TTC19: variants seen among roughly 807,000 people sequenced by gnomAD.
TTC19 encodes the protein tetratricopeptide repeat protein 19, mitochondrial.
Under a neutral mutation model 49.5 loss-of-function variants are expected in TTC19, and 38 were observed. The ratio of observed to expected loss-of-function variants is 0.77; its 90% CI spans 0.59 to 1.01. TTC19 has a LOEUF of 1.01. TTC19 is among the 50% of genes least tolerant of loss of function. The pLI is 0.00. For missense variants in TTC19, 475 were observed against 477.7 expected (o/e 0.99, Z 0.05); for synonymous variants, 204 against 185.2 (o/e 1.10, Z -0.83).
chr17:16,017,448 CAA>C (rs372559333), intron 7 of TTC19, among the ~76,000 whole-genome samples: 6,475 of 53,366 alleles, frequency 0.12, 187 homozygotes, highest in African/African-American at 0.21. Context: ...GACTCCGGCT[CAA>C]AAAAAAAAAA....
At chr17:16,000,340 AAGAGTGGATGG>A in intron 2 of TTC19, 95 bp downstream of exon 2, 2 of 1,547,022 alleles carry the variant, frequency 1.3e-6, no homozygotes, top group Non-Finnish European at 1.7e-6. Context: ...CGCCTCGCCG[AAGAGTGGATGG>A]AGGCTCCGCG....
chr17:16,026,455 T>C (rs918567733), intron 8 of TTC19, 85 bp from the exon 9 acceptor site: 13 of 1,225,952 alleles, frequency 1.1e-5, no homozygotes, highest in Admixed American at 4.1e-5. Flanking sequence ...TGAAATCTTA[T>C]GTATTCAGAG....
chr17:16,018,051 T>C (rs1218556451), intron 7 of TTC19, among the ~76,000 whole-genome samples: 1 of 152,244 alleles, frequency 6.6e-6, no homozygotes, highest in Non-Finnish European at 1.5e-5. Flanking sequence ...ATTATCCTTC[T>C]TTCCCTTTTC....
At chr17:16,004,365 T>G in intron 6 of TTC19, 103 bp downstream of exon 6, 1 of 1,095,482 alleles carries the variant, frequency 9.1e-7, no homozygotes, top group East Asian at 2.4e-5. Flanking sequence ...TCCCAGAAAT[T>G]GGGTGTCACA....
At chr17:16,002,592 TAAC>T (rs752889543) in intron 3 of TTC19, 198 bp from the exon 4 acceptor site, 1 of 610,652 alleles carries the variant, frequency 1.6e-6, no homozygotes, top group Non-Finnish European at 2.9e-6. Context: ...TTTGGTTTGT[TAAC>T]AACAAAGTAT....
chr17:16,022,138 T>C (rs909132144), intron 7 of TTC19, among the ~76,000 whole-genome samples: 6 of 152,120 alleles, frequency 3.9e-5, no homozygotes, highest in Non-Finnish European at 8.8e-5. Flanking sequence ...GCTTCAGATC[T>C]CATTTTGTTT....
chr17:16,020,430 A>C (rs199737160), intron 7 of TTC19, among the ~76,000 whole-genome samples: 1 of 152,042 alleles, frequency 6.6e-6, no homozygotes, highest in East Asian at 1.9e-4. Flanking sequence ...TGGGTTACGT[A>C]TCTCTTTGTA....
intron 7 of TTC19, among the ~76,000 whole-genome samples, chr17:16,009,449 T>G (rs1971004403): frequency 6.6e-6 from 1 of 152,244 alleles, no homozygotes. Flanking sequence ...ATACTGTATA[T>G]CCTACTTTGT....
chr17:16,006,291 T>G (rs945275152), intron 6 of TTC19, among the ~76,000 whole-genome samples, 183 bp from the exon 7 acceptor site: 2 of 152,036 alleles, frequency 1.3e-5, no homozygotes, highest in African/African-American at 4.8e-5. Context: ...GCACCTGTAA[T>G]CCCAGCTATT....
At position 16,000,177 on chromosome 17, in the gene TTC19, G is replaced by C. The variant is rs760920370; in HGVS notation, c.244G>C (p.Gly82Arg). The change falls in exon 2 of 10, where the codon GGG becomes CGG. Residue 82 changes from glycine (G) to arginine (R), a missense_variant. Transcript: ENST00000261647. Reference sequence around the variant, plus strand: ...GGAGGAGGAGCAGCAGGGAGCCGACGGGGCCGCTGCCGAGGACGGGGCGGA... The same window carrying C: ...GGAGGAGGAGCAGCAGGGAGCCGACCGGGCCGCTGCCGAGGACGGGGCGGA... ...AEEEEQQGAD[G>R]AAAEDGADEA... 61 of 1,592,310 alleles carry C rather than the reference G, an allele frequency of 3.8e-5. No individual in the cohort carries two copies. In the South Asian group the frequency reaches 5.5e-4, roughly 14 times the overall value.
chr17:16,002,313 G>C (rs1480730693), intron 3 of TTC19, among the ~76,000 whole-genome samples: 1 of 152,076 alleles, frequency 6.6e-6, no homozygotes, highest in Non-Finnish European at 1.5e-5. Context: ...CGAGTAGCTG[G>C]ATTACAGGCA....
intron 6 of TTC19, 110 bp from the exon 7 acceptor site, chr17:16,006,364 C>T: frequency 1.2e-6 from 1 of 803,536 alleles, no homozygotes. Flanking sequence ...GAGCCGAGGT[C>T]ACGCCATTGC....
chr17:16,026,667 T>C lies in TTC19; in HGVS notation c.959T>C (p.Val320Ala). The C allele has an allele frequency of 6.2e-7, 1 of 1,614,184 alleles. No individual in the cohort carries two copies. Among genetic ancestry groups the C allele is most frequent in the African/African-American group, 1.3e-5 (1 of 75,062 alleles). Residue 320 changes from valine to alanine, a missense_variant, in exon 9 of 10, where the codon GTA (valine) becomes GCA (alanine). Val to Ala is a moderately conservative substitution (Grantham distance 64, BLOSUM62 0). Coordinates refer to ENST00000261647, the MANE Select transcript of TTC19 (RefSeq NM_017775.4). ...RQINHPELHM[V>A]LSNLAAVLMH... ...ATAAATCATCCTGAGCTACACATGG[T>C]ACTCAGTAATCTAGCTGCAGTTTTG...
At chr17:16,010,172 T>TAA (rs1971025386) in intron 7 of TTC19, among the ~76,000 whole-genome samples, 1 of 102,760 alleles carries the variant, frequency 9.7e-6, no homozygotes, top group African/African-American at 8.7e-5. Context: ...TTTTAATTTT[T>TAA]TTTTTTTTTT....
intron 7 of TTC19, among the ~76,000 whole-genome samples, chr17:16,020,375 C>T (rs745464080): frequency 5.3e-5 from 8 of 152,136 alleles, no homozygotes; most frequent in Non-Finnish European, 1.0e-4. Flanking sequence ...TTTTTCTTAA[C>T]GATTCGTAAG....
At chr17:16,016,882 C>A (rs143787366) in intron 7 of TTC19, among the ~76,000 whole-genome samples, 1 of 151,218 alleles carries the variant, frequency 6.6e-6, no homozygotes, top group Non-Finnish European at 1.5e-5. Context: ...TTAGTAGAGA[C>A]GAGGTTTCAC....
At chr17:16,015,308 A>G (rs889197974) in intron 7 of TTC19, among the ~76,000 whole-genome samples, 7 of 152,032 alleles carry the variant, frequency 4.6e-5, no homozygotes, top group East Asian at 3.9e-4. Flanking sequence ...CTTAATTTCA[A>G]TATAGGACAG....
chr17:16,001,323 C>T (rs1408132754), intron 2 of TTC19, among the ~76,000 whole-genome samples: 3 of 152,172 alleles, frequency 2.0e-5, no homozygotes, highest in Non-Finnish European at 2.9e-5. Context: ...GCTCACCATC[C>T]TCCCTTCACA....
chr17:16,029,439 T>C, downstream of TTC19: 1 of 284,912 alleles, frequency 3.5e-6, no homozygotes, highest in Non-Finnish European at 7.0e-6. Context: ...CATAAATATT[T>C]TTAAAATAGA....
Sources: allele counts gnomAD v4.1 joint callset (sites outside exome capture counted in the v4.1 genomes callset), GRCh38; gene constraint gnomAD v4.1.1; transcripts MANE v1.5; gene names NCBI Gene and HGNC (gene_info 2026-07-23, HGNC 2026-07-21).